The following CDS1 variants were observed in gnomAD, a reference collection of about 807,000 sequenced individuals.
The protein encoded by CDS1 is CDP-diacylglycerol synthase 1, also known as phosphatidate cytidylyltransferase 1.
CDS1 carries 41 observed loss-of-function variants against 62.1 expected under a neutral mutation model. The ratio of observed to expected loss-of-function variants is 0.66; its 90% CI spans 0.51 to 0.86. CDS1 has a LOEUF of 0.86. Among genes scored for constraint, CDS1 ranks in the 40% least tolerant of loss-of-function variants. The pLI is 0.00. For synonymous variants in CDS1, 185 were observed against 192.6 expected (o/e 0.96, Z 0.32); for missense variants, 470 against 550.1 (o/e 0.85, Z 1.46).
chr4:84,646,171 C>T (rs560718674), intron 12 of CDS1, among the ~76,000 whole-genome samples: 3 of 152,278 alleles, frequency 2.0e-5, no homozygotes, highest in Non-Finnish European at 4.4e-5. Flanking sequence ...CCTAAATACA[C>T]ATTTTAAATA....
At chr4:84,599,662 T>C (rs890811383) in intron 1 of CDS1, among the ~76,000 whole-genome samples, 23 of 151,992 alleles carry the variant, frequency 1.5e-4, no homozygotes, top group African/African-American at 5.3e-4. Context: ...CATGTACATT[T>C]TGTCTGGCTT....
intron 1 of CDS1, 112 bp downstream of exon 1, chr4:84,583,630 G>A: frequency 1.6e-6 from 1 of 608,136 alleles, no homozygotes; most frequent in Non-Finnish European, 2.8e-6. Flanking sequence ...GCTGCACGCT[G>A]CCGGTGCACC....
At chr4:84,591,548 T>C (rs1474780288) in intron 1 of CDS1, among the ~76,000 whole-genome samples, 2 of 152,208 alleles carry the variant, frequency 1.3e-5, no homozygotes, top group Non-Finnish European at 2.9e-5. Flanking sequence ...TTATGGACTT[T>C]CCCTGCATGG....
At chr4:84,628,509 A>G (rs1200842776) in intron 5 of CDS1, among the ~76,000 whole-genome samples, 1 of 151,998 alleles carries the variant, frequency 6.6e-6, no homozygotes, top group Non-Finnish European at 1.5e-5. Context: ...CCCCTTAAAA[A>G]TCTTCATCCT....
At chr4:84,583,578 A>G (rs1233499947) in intron 1 of CDS1, 60 bp downstream of exon 1, 2 of 1,055,674 alleles carry the variant, frequency 1.9e-6, no homozygotes, top group East Asian at 3.0e-5. Flanking sequence ...TGGAAGCGGG[A>G]CACTTGAGAG....
chr4:84,602,319 C>G (rs900451757), intron 1 of CDS1, among the ~76,000 whole-genome samples: 1 of 152,078 alleles, frequency 6.6e-6, no homozygotes, highest in Non-Finnish European at 1.5e-5. Context: ...AGCAGGACAG[C>G]CTTGTTGAGG....
chr4:84,617,526 A>G, intron 3 of CDS1, 38 bp from the exon 4 acceptor site: 1 of 1,023,240 alleles, frequency 9.8e-7, no homozygotes, highest in Non-Finnish European at 1.5e-6. Flanking sequence ...AAATGTAAAC[A>G]TTGAGAAATG....
intron 5 of CDS1, among the ~76,000 whole-genome samples, chr4:84,622,332 T>C (rs547504892): frequency 1.1e-4 from 17 of 152,172 alleles, no homozygotes; most frequent in Non-Finnish European, 2.4e-4. Flanking sequence ...CTCACACCTG[T>C]AATCCCAGCA....
At chr4:84,628,084 CA>C (rs1457148952) in intron 5 of CDS1, among the ~76,000 whole-genome samples, 1 of 152,130 alleles carries the variant, frequency 6.6e-6, no homozygotes, top group Non-Finnish European at 1.5e-5. Flanking sequence ...GCACACAATG[CA>C]GTGTGATTTT....
chr4:84,634,492 G>A (rs1245465028), intron 7 of CDS1, among the ~76,000 whole-genome samples: 1 of 151,956 alleles, frequency 6.6e-6, no homozygotes, highest in African/African-American at 2.4e-5. Context: ...AAATTAGTTG[G>A]AATGGAGAAA....
intron 1 of CDS1, among the ~76,000 whole-genome samples, chr4:84,600,523 T>A (rs1395104071): frequency 6.6e-6 from 1 of 152,204 alleles, no homozygotes; most frequent in Non-Finnish European, 1.5e-5. Flanking sequence ...GAGGTATGGA[T>A]CAAGGTTTTT....
chr4:84,635,617 GCCTGCCTGCCTTCCTTCCTT>G (rs1724166187), intron 8 of CDS1, among the ~76,000 whole-genome samples: 16 of 91,594 alleles, frequency 1.7e-4, no homozygotes, highest in African/African-American at 6.4e-4. Flanking sequence ...CTGCCTGCCT[GCCTGCCTGCCTTCCTTCCTT>G]CCTTCCTTCC....
chr4:84,644,119 C>T (rs1200849597), intron 11 of CDS1, among the ~76,000 whole-genome samples: 1 of 152,116 alleles, frequency 6.6e-6, no homozygotes, highest in Non-Finnish European at 1.5e-5. Flanking sequence ...CACACGCGGC[C>T]TACGGGGTCA....
chr4:84,598,862 C>T (rs1377883360), intron 1 of CDS1, among the ~76,000 whole-genome samples: 1 of 152,132 alleles, frequency 6.6e-6, no homozygotes, highest in African/African-American at 2.4e-5. Flanking sequence ...ATGATGGAAT[C>T]ATCCTCTTGA....
At chr4:84,626,097 G>T (rs1295525113) in intron 5 of CDS1, among the ~76,000 whole-genome samples, 2 of 152,094 alleles carry the variant, frequency 1.3e-5, no homozygotes, top group African/African-American at 2.4e-5. Flanking sequence ...AACCCAGGAG[G>T]TGGAGGTTGC....
At position 84,640,838 on chromosome 4, in the gene CDS1, G is replaced by T; in HGVS notation, c.880G>T (p.Ala294Ser). Residue 294 changes from alanine to serine, a missense_variant and splice_region_variant, in exon 10 of 13, where the codon GCT becomes TCT. By Grantham distance (99) the Ala-to-Ser change is moderately conservative (BLOSUM62 1). Coordinates refer to ENST00000295887, the MANE Select transcript of CDS1 (RefSeq NM_001263.4). ...TGTTTTGTTTTGTTTTTAATATCAG[G>T]CTGCCTATGTGTTATCCAAATACCA... Reference protein sequence around the residue: ...FFSTVVFGFIAAYVLSKYQYF... With the variant: ...FFSTVVFGFISAYVLSKYQYF... 1 of 1,546,074 alleles carries T rather than the reference G, an allele frequency of 6.5e-7. No individual in the cohort carries two copies. Among genetic ancestry groups the T allele is most frequent in the Non-Finnish European group, 8.7e-7 (1 of 1,147,964 alleles).
intron 1 of CDS1, among the ~76,000 whole-genome samples, chr4:84,603,838 G>C (rs924984427): frequency 3.3e-5 from 5 of 152,266 alleles, no homozygotes; most frequent in African/African-American, 1.2e-4. Context: ...TGCTACGCTC[G>C]TGTAAGATAT....
chr4:84,583,419 C>G lies in CDS1; in HGVS notation c.18C>G (p.His6Gln), dbSNP rs914077418. 6.2e-7 allele frequency: 1 copy of G among 1,600,934 alleles called. No homozygotes were observed. Among genetic ancestry groups the G allele is most frequent in the Non-Finnish European group, 8.5e-7 (1 of 1,174,546 alleles). The change falls in exon 1 of 13, where the codon CAC becomes CAG. Residue 6 changes from histidine to glutamine, a missense_variant. Around this residue, in one of 5 missense-constraint regions of CDS1, gnomAD observed 150 missense variants for 142.0 expected, o/e 1.06. Coordinates refer to ENST00000295887, the MANE Select transcript of CDS1 (RefSeq NM_001263.4). Reference protein sequence around the residue: MLELRHRGSCPGPREA... With the variant: MLELRQRGSCPGPREA... ...AGCGGAAGATGTTGGAGCTGAGGCA[C>G]CGGGGAAGCTGCCCCGGCCCCAGGG...
intron 12 of CDS1, among the ~76,000 whole-genome samples, chr4:84,645,831 A>G (rs908548624): frequency 6.6e-6 from 1 of 152,198 alleles, no homozygotes; most frequent in Non-Finnish European, 1.5e-5. Flanking sequence ...AAATAAATAT[A>G]GTTTGTTAGA....
Sources: allele counts gnomAD v4.1 joint callset (sites outside exome capture counted in the v4.1 genomes callset), GRCh38; gene constraint gnomAD v4.1.1; regional missense constraint gnomAD v4.1.1; transcripts MANE v1.5; gene names NCBI Gene and HGNC (gene_info 2026-07-23, HGNC 2026-07-21).